Variants in DNAH12 observed in about 807,000 individuals in gnomAD.
The protein encoded by DNAH12 is dynein axonemal heavy chain 12.
DNAH12 carries 285 observed loss-of-function variants against 371.5 expected under a neutral mutation model. The observed-to-expected ratio is 0.77, with a 90% CI of 0.70 to 0.85. The LOEUF (loss-of-function observed/expected upper bound fraction) is 0.85. DNAH12 is among the 40% of genes least tolerant of loss of function. The pLI, the probability that DNAH12 is intolerant of heterozygous loss-of-function variation, is 0.00. For synonymous variants in DNAH12, 1,200 were observed against 1,213.0 expected (o/e 0.99, Z 0.22); for missense variants, 3,611 against 3,689.4 (o/e 0.98, Z 0.55).
intron 4 of DNAH12, among the ~76,000 whole-genome samples, chr3:57,512,050 G>A (rs1017304862): frequency 6.6e-6 from 1 of 151,602 alleles, no homozygotes; most frequent in African/African-American, 2.4e-5. Context: ...AAGGAAACAA[G>A]TAATAGATTA....
chr3:57,519,665 G>A (rs577434123), intron 4 of DNAH12: 56 of 1,547,234 alleles, frequency 3.6e-5, no homozygotes, highest in African/African-American at 2.2e-4. Flanking sequence ...CCTTCTAACC[G>A]CTCTCATTTG....
At chr3:57,327,916 G>C (rs1248931215) in intron 62 of DNAH12, among the ~76,000 whole-genome samples, 2 of 152,102 alleles carry the variant, frequency 1.3e-5, no homozygotes, top group Non-Finnish European at 2.9e-5. Context: ...ACTACCATCA[G>C]AGAATACTAC....
At chr3:57,469,879 T>C (rs2066317668) in intron 16 of DNAH12, among the ~76,000 whole-genome samples, 1 of 152,032 alleles carries the variant, frequency 6.6e-6, no homozygotes. Flanking sequence ...ACCTATTAGG[T>C]GCTGTGCTCA....
intron 60 of DNAH12, among the ~76,000 whole-genome samples, chr3:57,335,303 C>T (rs1232848860): frequency 6.6e-6 from 1 of 152,086 alleles, no homozygotes; most frequent in African/African-American, 2.4e-5. Context: ...GAGTTGAGGA[C>T]ATCAGCATTA....
At chr3:57,334,962 T>C (rs1248945744) in intron 60 of DNAH12, 22 bp from the exon 61 acceptor site, 1 of 1,527,122 alleles carries the variant, frequency 6.5e-7, no homozygotes, top group South Asian at 1.3e-5. Flanking sequence ...AAATAAGGAC[T>C]GTTATATAAT....
At chr3:57,466,037 C>T (rs1283369282) in intron 17 of DNAH12, among the ~76,000 whole-genome samples, 1 of 149,808 alleles carries the variant, frequency 6.7e-6, no homozygotes, top group Non-Finnish European at 1.5e-5. Context: ...CCACAATTTA[C>T]CCTGCAGTCA....
At chr3:57,409,413 T>C (rs2064135961) in intron 39 of DNAH12, among the ~76,000 whole-genome samples, 1 of 152,120 alleles carries the variant, frequency 6.6e-6, no homozygotes, top group Non-Finnish European at 1.5e-5. Flanking sequence ...ATCCACATAA[T>C]ATTAAAGCCA....
intron 9 of DNAH12, 70 bp from the exon 10 acceptor site, chr3:57,502,549 T>TC: frequency 7.1e-7 from 1 of 1,413,032 alleles, no homozygotes; most frequent in Non-Finnish European, 9.4e-7. Context: ...TATATGTAGA[T>TC]CTTTTTTTTT....
rs754892354 is a variant in DNAH12 at position 57,419,330 on chromosome 3, T to TAC, written c.5714+35_5714+36dup. 1.2e-5 allele frequency: 17 copies of TAC among 1,465,812 alleles called. No individual in the cohort carries two copies. In the African/African-American group the frequency reaches 2.4e-4, roughly 21 times the overall value. The allele number at this position is 1,465,812 out of a possible 1,614,324, so 90.8% of individuals were successfully genotyped here. On this transcript the variant is annotated intron_variant, in intron 37 of 73. Transcript: ENST00000495027. ...CATAATCCTATTAAAATGGTACTTTTACATTCAAAATGCTTGTTTATAGCA... is the reference window on the plus strand; with the variant it reads ...CATAATCCTATTAAAATGGTACTTTTACACATTCAAAATGCTTGTTTATAGCA...
chr3:57,543,122 C>G (rs755129937), intron 1 of DNAH12, among the ~76,000 whole-genome samples: 3 of 151,980 alleles, frequency 2.0e-5, no homozygotes, highest in Non-Finnish European at 2.9e-5. Context: ...AGTCAGTTCC[C>G]CTTCAGGGCT....
chr3:57,502,362 G>T lies in DNAH12; in HGVS notation c.1204C>A (p.Arg402=). The stretch of plus-strand genomic sequence containing the variant: ...TGCTTTCTTGCACCTTCTAAGTTCC[G>T]ATGTACTGCTGCCTTCAGTGTATCA... ...AVDTLKAAVH[R]NLEGARKHYE... The change falls in exon 10 of 74, where the codon CGG becomes AGG. Residue 402 remains arginine (R), a synonymous_variant. Coordinates refer to ENST00000495027, the MANE Select transcript of DNAH12 (RefSeq NM_001366028.2). 1.2e-6 allele frequency: 2 copies of T among 1,614,074 alleles called. No individual in the cohort carries two copies. Among genetic ancestry groups the T allele is most frequent in the South Asian group, 1.1e-5 (1 of 91,072 alleles).
chr3:57,536,621 G>T (rs1452056911), intron 2 of DNAH12, among the ~76,000 whole-genome samples: 1 of 152,094 alleles, frequency 6.6e-6, no homozygotes, highest in Non-Finnish European at 1.5e-5. Flanking sequence ...CGTTGGCCAG[G>T]CTTCCCTTCA....
At chr3:57,450,303 C>T (rs1470724704) in intron 25 of DNAH12, among the ~76,000 whole-genome samples, 1 of 143,936 alleles carries the variant, frequency 6.9e-6, no homozygotes, top group African/African-American at 2.6e-5. Flanking sequence ...AATCCCAGCA[C>T]TTTGGGAGGC....
intron 39 of DNAH12, among the ~76,000 whole-genome samples, chr3:57,410,872 C>T (rs996314025): frequency 4.0e-5 from 6 of 151,642 alleles, no homozygotes; most frequent in Non-Finnish European, 8.8e-5. Context: ...AGGTAACTTC[C>T]TCAACTTGGT....
At chr3:57,359,646 A>G (rs1392902498) in intron 58 of DNAH12, among the ~76,000 whole-genome samples, 1 of 151,906 alleles carries the variant, frequency 6.6e-6, no homozygotes, top group Non-Finnish European at 1.5e-5. Flanking sequence ...CATTACTTGT[A>G]AAACTTTTTC....
At chr3:57,461,281 C>T (rs538630003) in intron 19 of DNAH12, among the ~76,000 whole-genome samples, 2 of 152,006 alleles carry the variant, frequency 1.3e-5, no homozygotes, top group South Asian at 2.1e-4. Flanking sequence ...TTTTAAAAAT[C>T]ATTTATGTCT....
chr3:57,414,835 AAAAC>A (rs2064315402), intron 38 of DNAH12, among the ~76,000 whole-genome samples: 1 of 152,222 alleles, frequency 6.6e-6, no homozygotes, highest in African/African-American at 2.4e-5. Flanking sequence ...ACATAGACTT[AAAAC>A]AACAGAAATG....
intron 29 of DNAH12, among the ~76,000 whole-genome samples, chr3:57,438,770 T>C (rs1438409560): frequency 2.6e-5 from 4 of 151,880 alleles, no homozygotes; most frequent in Non-Finnish European, 5.9e-5. Flanking sequence ...CTGGCCAACA[T>C]GGTGAAACCC....
At chr3:57,463,159 A>C (rs537583587) in intron 17 of DNAH12, among the ~76,000 whole-genome samples, 61 of 152,216 alleles carry the variant, frequency 4.0e-4, no homozygotes, top group African/African-American at 1.2e-3. Flanking sequence ...CTGTAATCCC[A>C]GCACTTTGGG....
Sources: allele counts gnomAD v4.1 joint callset (sites outside exome capture counted in the v4.1 genomes callset), GRCh38; gene constraint gnomAD v4.1.1; transcripts MANE v1.5; gene names NCBI Gene and HGNC (gene_info 2026-07-23, HGNC 2026-07-21).